FSTL5: variants seen among roughly 807,000 people sequenced by gnomAD.
FSTL5 encodes follistatin like 5, also known as follistatin-related protein 5.
In FSTL5, 62 loss-of-function variants were observed where a neutral mutation model predicts 89.1. That is an observed-to-expected ratio of 0.70 (90% CI 0.57 to 0.86). The LOEUF (loss-of-function observed/expected upper bound fraction) is 0.86. Ranked by LOEUF, FSTL5 falls within the 40% of genes least tolerant of loss-of-function variation. FSTL5 has a pLI of 0.00. For synonymous variants in FSTL5, 383 were observed against 346.2 expected (o/e 1.11, Z -1.18); for missense variants, 1,057 against 1,001.6 (o/e 1.06, Z -0.75).
At chr4:162,066,712 T>C (rs1738931917) in intron 2 of FSTL5, among the ~76,000 whole-genome samples, 1 of 151,816 alleles carries the variant, frequency 6.6e-6, no homozygotes, top group African/African-American at 2.4e-5. Context: ...GTTACTCTGC[T>C]AAGAATGATG....
chr4:161,443,550 T>C (rs1316126799), intron 15 of FSTL5, among the ~76,000 whole-genome samples: 2 of 151,954 alleles, frequency 1.3e-5, no homozygotes, highest in African/African-American at 4.8e-5. Flanking sequence ...TGACATTTCC[T>C]ATTGGAGCCT....
At chr4:161,393,090 G>C (rs563979904) in intron 15 of FSTL5, among the ~76,000 whole-genome samples, 2 of 152,098 alleles carry the variant, frequency 1.3e-5, no homozygotes, top group South Asian at 4.2e-4. Flanking sequence ...CTTGAACCCG[G>C]GAGGCAGAGG....
intron 3 of FSTL5, among the ~76,000 whole-genome samples, chr4:161,998,528 G>T (rs1272066640): frequency 6.6e-6 from 1 of 151,826 alleles, no homozygotes; most frequent in Middle Eastern, 3.2e-3. Flanking sequence ...CTTTGTTTCA[G>T]CTTGACTTGA....
intron 3 of FSTL5, among the ~76,000 whole-genome samples, chr4:161,999,323 G>T (rs1297940855): frequency 6.6e-6 from 1 of 152,002 alleles, no homozygotes; most frequent in Non-Finnish European, 1.5e-5. Flanking sequence ...AATACTGATA[G>T]AAAATAAACA....
intron 4 of FSTL5, among the ~76,000 whole-genome samples, chr4:161,816,580 A>G (rs769054554): frequency 2.0e-5 from 3 of 152,202 alleles, no homozygotes; most frequent in Non-Finnish European, 4.4e-5. Flanking sequence ...TCCACTTTAC[A>G]AAGGGGTAAA....
chr4:161,887,840 A>T (rs1273336122), intron 4 of FSTL5, among the ~76,000 whole-genome samples: 1 of 152,178 alleles, frequency 6.6e-6, no homozygotes, highest in Non-Finnish European at 1.5e-5. Flanking sequence ...TAATTCATTC[A>T]TTTTACAAGT....
intron 3 of FSTL5, among the ~76,000 whole-genome samples, chr4:161,986,328 T>A (rs1014960527): frequency 4.6e-5 from 7 of 152,128 alleles, no homozygotes; most frequent in African/African-American, 1.7e-4. Context: ...GGCAGGTGGA[T>A]CATTTAAGGT....
chr4:161,968,044 T>C (rs954031108), intron 3 of FSTL5, among the ~76,000 whole-genome samples: 5 of 152,004 alleles, frequency 3.3e-5, no homozygotes, highest in Non-Finnish European at 5.9e-5. Flanking sequence ...TTTAAATAGA[T>C]TATAGTTGTT....
chr4:162,021,229 T>C (rs1187236141), intron 3 of FSTL5, among the ~76,000 whole-genome samples: 2 of 152,172 alleles, frequency 1.3e-5, no homozygotes, highest in Non-Finnish European at 2.9e-5. Context: ...CATTTTTTTA[T>C]ATATAGGTCT....
chr4:161,519,204 A>G (rs1251158493), intron 10 of FSTL5, among the ~76,000 whole-genome samples: 1 of 152,170 alleles, frequency 6.6e-6, no homozygotes, highest in Non-Finnish European at 1.5e-5. Context: ...GTGTATTGCA[A>G]GAGATGACGG....
In FSTL5 at chr4:161,583,846, A is replaced by G. The variant is rs1340362314; in HGVS notation, c.1015+3609T>C. On this transcript the variant is annotated intron_variant, in intron 8 of 15. Coordinates refer to ENST00000306100, the MANE Select transcript of FSTL5 (RefSeq NM_020116.5). ...TTCCTCTCTAGTACCTCATTCTAGT[A>G]ATATTTGATCCTTGGGAACACCAGT... Among the ~76,000 whole-genome samples, 5 of 152,146 alleles carry G rather than the reference A, an allele frequency of 3.3e-5. No homozygotes were observed. The East Asian group carries it at 9.7e-4, about 29-fold the overall frequency.
intron 2 of FSTL5, among the ~76,000 whole-genome samples, chr4:162,107,863 T>C (rs1731283317): frequency 2.0e-5 from 3 of 152,160 alleles, no homozygotes; most frequent in Admixed American, 2.0e-4. Context: ...TTGTCCTTGG[T>C]AAAGTTACTT....
At chr4:161,400,568 T>C (rs1178051401) in intron 15 of FSTL5, among the ~76,000 whole-genome samples, 1 of 152,036 alleles carries the variant, frequency 6.6e-6, no homozygotes, top group Non-Finnish European at 1.5e-5. Flanking sequence ...TTAATACAAA[T>C]ATTTGTAAAT....
At chr4:161,429,757 A>G (rs1732290377) in intron 15 of FSTL5, among the ~76,000 whole-genome samples, 2 of 152,180 alleles carry the variant, frequency 1.3e-5, no homozygotes, top group Non-Finnish European at 2.9e-5. Context: ...GGATAGTACG[A>G]AGATCCCAGA....
At chr4:161,418,291 C>T (rs942858494) in intron 15 of FSTL5, among the ~76,000 whole-genome samples, 4 of 151,716 alleles carry the variant, frequency 2.6e-5, no homozygotes, top group African/African-American at 4.8e-5. Flanking sequence ...TGAATTAGTG[C>T]GTTAGAAAAT....
At chr4:161,732,868 C>T (rs1019508827) in intron 6 of FSTL5, among the ~76,000 whole-genome samples, 1 of 151,344 alleles carries the variant, frequency 6.6e-6, no homozygotes, top group Non-Finnish European at 1.5e-5. Flanking sequence ...TCATCATGTA[C>T]ATACCACTCT....
At chr4:161,543,749 A>T (rs1332776604) in intron 8 of FSTL5, among the ~76,000 whole-genome samples, 3 of 136,414 alleles carry the variant, frequency 2.2e-5, no homozygotes, top group African/African-American at 4.9e-5. Flanking sequence ...CATAAGCAAA[A>T]TTGAATTCAA....
chr4:161,643,845 C>G (rs1400336875), intron 7 of FSTL5, among the ~76,000 whole-genome samples: 2 of 151,718 alleles, frequency 1.3e-5, no homozygotes, highest in Non-Finnish European at 2.9e-5. Flanking sequence ...AAATCTTCAG[C>G]AAAATTTTAA....
chr4:161,715,875 C>T (rs1478470806), intron 6 of FSTL5, among the ~76,000 whole-genome samples: 1 of 152,228 alleles, frequency 6.6e-6, no homozygotes, highest in Non-Finnish European at 1.5e-5. Context: ...AATAATCTCT[C>T]TAGCCCGTAG....
Sources: allele counts gnomAD v4.1 joint callset (sites outside exome capture counted in the v4.1 genomes callset), GRCh38; gene constraint gnomAD v4.1.1; transcripts MANE v1.5; gene names NCBI Gene and HGNC (gene_info 2026-07-23, HGNC 2026-07-21).